The following KCNK12 variants were observed in gnomAD, a reference collection of about 807,000 sequenced individuals.
The protein encoded by KCNK12 is potassium channel subfamily K member 12.
In KCNK12, 6 loss-of-function variants were observed where a neutral mutation model predicts 25.3. The ratio of observed to expected loss-of-function variants is 0.24; its 90% CI spans 0.13 to 0.47. KCNK12 has a LOEUF of 0.47. Among genes scored for constraint, KCNK12 ranks in the 20% least tolerant of loss-of-function variants. The probability of loss-of-function intolerance (pLI) is 0.99; values close to 1 mark genes in which losing one functional copy is unlikely to be tolerated. For missense variants in KCNK12, 444 were observed against 661.7 expected (o/e 0.67, Z 3.61); for synonymous variants, 331 against 311.1 (o/e 1.06, Z -0.67).
At position 47,557,235 on chromosome 2, in the gene KCNK12, G is replaced by A. The variant is rs1409539611; in HGVS notation, c.391+12706C>T. ...CATGTGGGTTCTGTTCTCATGAATG[G>A]ATTAATGTCATCATCACTGGAGTGG... is the stretch of plus-strand genomic sequence containing the variant. On this transcript the variant is annotated intron_variant, in intron 1 of 1. Coordinates refer to ENST00000327876, the MANE Select transcript of KCNK12 (RefSeq NM_022055.2). The surrounding 1 kb of genome is among the most constrained non-coding windows in gnomAD (Gnocchi z 4.9). Among the ~76,000 whole-genome samples, 1 of 152,150 alleles carries A rather than the reference G, an allele frequency of 6.6e-6. No individual in the cohort carries two copies. The highest frequency in any genetic ancestry group is 1.5e-5 in the Non-Finnish European group (1 of 68,028).
At chr2:47,544,004 G>A (rs762942476) in intron 1 of KCNK12, among the ~76,000 whole-genome samples, 10 of 152,132 alleles carry the variant, frequency 6.6e-5, no homozygotes, top group Non-Finnish European at 1.2e-4. Context: ...GGATAAGTAC[G>A]CAGGGCCTGC....
rs1229836225 is a variant in KCNK12, at chr2:47,555,250, A to T, written c.391+14691T>A. On this transcript the variant is annotated intron_variant, in intron 1 of 1. Coordinates refer to ENST00000327876, the MANE Select transcript of KCNK12 (RefSeq NM_022055.2). This position sits in a 1 kb window ranked among gnomAD's most constrained non-coding sequence, Gnocchi z 4.5. ...GGATCAGAGTATGCCATCCCCAAATATGTCACTTTAGCACAAGGATTGTTT... is the reference window on the plus strand; with the variant it reads ...GGATCAGAGTATGCCATCCCCAAATTTGTCACTTTAGCACAAGGATTGTTT... 2.0e-5 allele frequency among the ~76,000 whole-genome samples: 3 copies of T among 152,196 alleles called. No individual in the cohort carries two copies. The East Asian group carries it at 5.8e-4, about 29-fold the overall frequency.
chr2:47,559,995 G>A (rs1669630678), intron 1 of KCNK12, among the ~76,000 whole-genome samples: 1 of 152,190 alleles, frequency 6.6e-6, no homozygotes, highest in Non-Finnish European at 1.5e-5. Context: ...GCACTGGCAG[G>A]CGCTTGGTGC....
Position 47,519,631 on chromosome 2 carries a change from C to T in KCNK12, c.*1276G>A, listed in dbSNP as rs887085105. 3 of 152,270 alleles carry T rather than the reference C, an allele frequency of 2.0e-5. No homozygotes were observed. The highest frequency in any genetic ancestry group is 7.2e-5 in the African/African-American group (3 of 41,450). 9.4% of individuals were successfully genotyped at this position (152,270 alleles called of 1,614,324 possible). A position where few individuals can be genotyped will look rare whatever the true frequency, so the allele number is the denominator to read the frequency against. On this transcript the variant is annotated 3_prime_UTR_variant, in exon 2 of 2. Coordinates refer to ENST00000327876, the MANE Select transcript of KCNK12 (RefSeq NM_022055.2). ...GAGAATCTGTCCCTCAGCCCGAGAG[C>T]AAAACTGTAATCCTAACATTACTTC...
chr2:47,512,630 G>T lies in KCNK12; in HGVS notation c.*8277C>A, dbSNP rs1408731421. ...TTCTGGGAACTTCACAATGGCTAAA[G>T]TGTGCTAATGGGATGATGTGCCCTT... On this transcript the variant is annotated 3_prime_UTR_variant, in exon 2 of 2. Transcript: ENST00000327876. The T allele has an allele frequency of 3.4e-6, 2 of 591,762 alleles. No homozygotes were observed. Among genetic ancestry groups the T allele is most frequent in the Non-Finnish European group, 5.9e-6 (2 of 341,342 alleles). The allele number at this position is 591,762 out of a possible 1,614,324, so 36.7% of individuals were successfully genotyped here.
rs1025201267 is a variant in KCNK12, at chr2:47,551,949, G to A, written c.391+17992C>T. On this transcript the variant is annotated intron_variant, in intron 1 of 1. Transcript: ENST00000327876. The surrounding 1 kb of genome is among the most constrained non-coding windows in gnomAD (Gnocchi z 5.3). The stretch of plus-strand genomic sequence containing the variant: ...TCAATCCTGCAACCCAGAGGAGCTG[G>A]GCCTCCTCCTGAAGGGCCTGCATCA... Among the ~76,000 whole-genome samples, 2 of 152,086 alleles carry A rather than the reference G, an allele frequency of 1.3e-5. No homozygotes were observed. Among genetic ancestry groups the A allele is most frequent in the African/African-American group, 2.4e-5 (1 of 41,426 alleles).
In KCNK12 at chr2:47,528,546, G is replaced by A. The variant is rs1228913084; in HGVS notation, c.392-6738C>T. 2.0e-5 allele frequency among the ~76,000 whole-genome samples: 3 copies of A among 152,224 alleles called. No homozygotes were observed. Among genetic ancestry groups the A allele is most frequent in the Non-Finnish European group, 2.9e-5 (2 of 68,028 alleles). ...AGCTGCTCTGGAGAGGGGCCTCAAA[G>A]CTTCAGCCAGAGAAAAGGCAAACCC... On this transcript the variant is annotated intron_variant, in intron 1 of 1. Transcript: ENST00000327876. The surrounding 1 kb of genome is among the most constrained non-coding windows in gnomAD (Gnocchi z 4.5).
chr2:47,559,930 G>A (rs369663433), intron 1 of KCNK12, among the ~76,000 whole-genome samples: 5 of 152,338 alleles, frequency 3.3e-5, no homozygotes, highest in African/African-American at 1.2e-4. Context: ...CAGCCTAGAG[G>A]CTTAAAGTGC....
chr2:47,550,911 A>G (rs537909306), intron 1 of KCNK12, among the ~76,000 whole-genome samples: 91 of 152,138 alleles, frequency 6.0e-4, no homozygotes, highest in African/African-American at 2.1e-3. Context: ...CCACACTTCT[A>G]TATTTCCCCC....
At chr2:47,543,283 A>G (rs1669241412) in intron 1 of KCNK12, 1 of 147,460 alleles carries the variant, frequency 6.8e-6, no homozygotes, top group Non-Finnish European at 1.5e-5. Context: ...TTTAGCTTTG[A>G]TTACTACACT....
intron 1 of KCNK12, among the ~76,000 whole-genome samples, chr2:47,534,589 T>G (rs1301140193): frequency 8.1e-6 from 1 of 123,054 alleles, no homozygotes; most frequent in African/African-American, 3.1e-5. Flanking sequence ...GAAGACTAAA[T>G]CCAAGACCAA....
chr2:47,532,055 C>A (rs13002137), intron 1 of KCNK12, among the ~76,000 whole-genome samples: 1 of 151,896 alleles, frequency 6.6e-6, no homozygotes, highest in Non-Finnish European at 1.5e-5. Flanking sequence ...TCAAAAAAAA[C>A]CCCCAAAAAC....
At chr2:47,541,296 G>C (rs1669193813) in intron 1 of KCNK12, among the ~76,000 whole-genome samples, 1 of 152,182 alleles carries the variant, frequency 6.6e-6, no homozygotes, top group Non-Finnish European at 1.5e-5. Flanking sequence ...AGAGTTTGTG[G>C]TTCAGTTATT....
In KCNK12 at chr2:47,539,747, C is replaced by A. The variant is rs114292367; in HGVS notation, c.392-17939G>T. Among the ~76,000 whole-genome samples, 233 of 152,252 alleles carry A rather than the reference C, an allele frequency of 1.5e-3. 2 individuals are homozygous for A. The highest frequency in any genetic ancestry group is 5.4e-3 in the African/African-American group (223 of 41,544). ...AGACTGCGAAGGGCTGCAGAAGGAG[C>A]CGAAAGGGGAAGAAACGGACGCAGG... On this transcript the variant is annotated intron_variant, in intron 1 of 1. Transcript: ENST00000327876.
chr2:47,552,065 G>A (rs1669446517), intron 1 of KCNK12, among the ~76,000 whole-genome samples: 1 of 152,164 alleles, frequency 6.6e-6, no homozygotes, highest in Non-Finnish European at 1.5e-5. Context: ...TCAGCGTGCT[G>A]GCTCCGAGTC....
rs916255723 is a variant in KCNK12, at chr2:47,562,527, T to C, written c.391+7414A>G. ...AGGAGGCAGCACTCACAAGACAGAG[T>C]CCGGAGCATTCTCCACCACAGCCAG... On this transcript the variant is annotated intron_variant, in intron 1 of 1. Transcript: ENST00000327876. The surrounding 1 kb of genome is among the most constrained non-coding windows in gnomAD (Gnocchi z 4.8). 5.5e-4 allele frequency: 131 copies of C among 236,318 alleles called. 1 individual carries two copies. Among genetic ancestry groups the C allele is most frequent in the African/African-American group, 2.8e-3 (127 of 45,560 alleles). The allele number at this position is 236,318 out of a possible 1,614,324, so 14.6% of individuals were successfully genotyped here.
At position 47,533,931 on chromosome 2, in the gene KCNK12, C is replaced by T. The variant is rs1252941555; in HGVS notation, c.392-12123G>A. On this transcript the variant is annotated intron_variant, in intron 1 of 1. Transcript: ENST00000327876. This position sits in a 1 kb window ranked among gnomAD's most constrained non-coding sequence, Gnocchi z 4.7. Reference sequence around the variant, plus strand: ...GTGCGCAGTGATCCGGACAGAGAGGCTCCAGTCAGCCAGGCACAGAGAAAA... The same window carrying T: ...GTGCGCAGTGATCCGGACAGAGAGGTTCCAGTCAGCCAGGCACAGAGAAAA... Among the ~76,000 whole-genome samples the T allele has an allele frequency of 6.6e-6, 1 of 151,978 alleles. No individual in the cohort carries two copies. Among genetic ancestry groups the T allele is most frequent in the Non-Finnish European group, 1.5e-5 (1 of 67,994 alleles).
rs1037287631 is a variant in KCNK12, at chr2:47,556,652, T to C, written c.391+13289A>G. Among the ~76,000 whole-genome samples the C allele has an allele frequency of 6.6e-6, 1 of 151,996 alleles. No homozygotes were observed. The highest frequency in any genetic ancestry group is 6.5e-5 in the Admixed American group (1 of 15,270). On this transcript the variant is annotated intron_variant, in intron 1 of 1. Transcript: ENST00000327876. The surrounding 1 kb of genome is among the most constrained non-coding windows in gnomAD (Gnocchi z 4.8). ...TTGGTATTTTGATAGGGGTACAACA[T>C]AGGGAGAGAGGGGCAAGGAAGTTAA...
intron 1 of KCNK12, chr2:47,543,671 G>A (rs1323756639): frequency 6.6e-6 from 1 of 152,332 alleles, no homozygotes; most frequent in African/African-American, 2.4e-5. Context: ...AAAGGGCAGA[G>A]TCGGGGATCA....
Sources: allele counts gnomAD v4.1 joint callset (sites outside exome capture counted in the v4.1 genomes callset), GRCh38; gene constraint gnomAD v4.1.1; non-coding constraint Gnocchi (gnomAD v3.1); transcripts MANE v1.5; gene names NCBI Gene and HGNC (gene_info 2026-07-23, HGNC 2026-07-21).